Variants in COL10A1 observed in about 807,000 individuals in gnomAD.
The protein encoded by COL10A1 is collagen type X alpha 1 chain.
COL10A1 carries 10 observed loss-of-function variants against 18.2 expected under a neutral mutation model. The ratio of observed to expected loss-of-function variants is 0.55; its 90% CI spans 0.34 to 0.93. COL10A1 has a LOEUF of 0.93. COL10A1 is among the 40% of genes least tolerant of loss of function. COL10A1 has a pLI of 0.02. For synonymous variants in COL10A1, 330 were observed against 316.6 expected, an observed-to-expected ratio of 1.04 and a Z score of -0.45; for missense variants, 897 against 853.5, an observed-to-expected ratio of 1.05 and a Z score of -0.64.
At chr6:116,203,194 A>C in the COL10A1 span, among the ~76,000 whole-genome samples, 1 of 151,980 alleles carries the variant, frequency 6.6e-6, no homozygotes, top group Non-Finnish European at 1.5e-5. Flanking sequence ...TTAGATTCTC[A>C]TTTAATGTGA....
At chr6:116,177,633 T>C in the COL10A1 span, among the ~76,000 whole-genome samples, 1 of 152,168 alleles carries the variant, frequency 6.6e-6, no homozygotes, top group Admixed American at 6.5e-5. Flanking sequence ...TCTTATACTT[T>C]TTACTTAAAG....
chr6:116,144,499 CA>C (rs542743486), intron 1 of COL10A1, among the ~76,000 whole-genome samples: 5,743 of 124,880 alleles, frequency 0.046, 340 homozygotes, highest in African/African-American at 0.14. Context: ...GACTCCGTCT[CA>C]AAAAAAAAAA....
the COL10A1 span, among the ~76,000 whole-genome samples, chr6:116,165,171 C>T: frequency 6.6e-6 from 1 of 151,032 alleles, no homozygotes; most frequent in Non-Finnish European, 1.5e-5. Context: ...ATCCCTGTCT[C>T]TTCTGGCTTG....
At chr6:116,121,987 C>A in intron 2 of COL10A1, 26 bp from the exon 3 acceptor site, 8 of 1,589,826 alleles carry the variant, frequency 5.0e-6, no homozygotes, top group Non-Finnish European at 6.9e-6. Context: ...AACACACCCA[C>A]CCATAGAAGG....
the COL10A1 span, among the ~76,000 whole-genome samples, chr6:116,197,562 C>G: frequency 6.6e-6 from 1 of 152,002 alleles, no homozygotes; most frequent in Admixed American, 6.6e-5. Context: ...TGCTGTAGTG[C>G]AGATAGAAGA....
At chr6:116,127,821 G>C (rs1779360349), upstream of COL10A1, among the ~76,000 whole-genome samples, 1 of 152,150 alleles carries the variant, frequency 6.6e-6, no homozygotes, top group African/African-American at 2.4e-5. Context: ...ACGTTCAGAA[G>C]ACTAATTCTC....
Position 116,121,878 on chromosome 6 carries a change from G to T in COL10A1, c.238C>A (p.Pro80Thr). Reference protein sequence around the residue: ...PRGHPGPSGPPGKPGYGSPGL... With the variant: ...PRGHPGPSGPTGKPGYGSPGL... ...GGACTTCCGTAGCCTGGTTTTCCTGGTGGTCCAGAAGGACCTGGGTGCCCT... is the reference window on the plus strand; with the variant it reads ...GGACTTCCGTAGCCTGGTTTTCCTGTTGGTCCAGAAGGACCTGGGTGCCCT... Residue 80 changes from proline (P) to threonine (T), a missense_variant, in exon 3 of 3, where the codon CCA becomes ACA. Transcript: ENST00000651968. The T allele has an allele frequency of 1.2e-6, 2 of 1,613,904 alleles. No individual in the cohort carries two copies. Among genetic ancestry groups the T allele is most frequent in the Admixed American group, 1.7e-5 (1 of 60,004 alleles).
the COL10A1 span, among the ~76,000 whole-genome samples, chr6:116,189,720 A>G: frequency 6.6e-6 from 1 of 151,908 alleles, no homozygotes; most frequent in Non-Finnish European, 1.5e-5. Flanking sequence ...TGTTCTGAGG[A>G]TGAAAAAAAA....
At chr6:116,163,722 G>C (rs991457303), upstream of COL10A1, among the ~76,000 whole-genome samples, 1 of 152,002 alleles carries the variant, frequency 6.6e-6, no homozygotes, top group South Asian at 2.1e-4. Context: ...GCGAATTTGA[G>C]ATCTATCTTT....
intron 2 of COL10A1, among the ~76,000 whole-genome samples, chr6:116,123,269 G>A (rs1426682778): frequency 6.6e-6 from 1 of 152,128 alleles, no homozygotes; most frequent in Non-Finnish European, 1.5e-5. Context: ...GTGACAGGGC[G>A]AACTTTGTCA....
the COL10A1 span, among the ~76,000 whole-genome samples, chr6:116,186,559 G>A: frequency 6.6e-6 from 1 of 151,812 alleles, no homozygotes; most frequent in Admixed American, 6.6e-5. Context: ...CTTATTGGAG[G>A]CTTTGTTCAT....
the COL10A1 span, among the ~76,000 whole-genome samples, chr6:116,178,974 A>G: frequency 1.3e-5 from 2 of 152,218 alleles, no homozygotes; most frequent in African/African-American, 4.8e-5. Context: ...GTAGAAAGAA[A>G]AGATTATTCT....
At chr6:116,174,884 A>G in the COL10A1 span, among the ~76,000 whole-genome samples, 12 of 152,186 alleles carry the variant, frequency 7.9e-5, no homozygotes, top group African/African-American at 2.9e-4. Flanking sequence ...ATTTTAGGAT[A>G]GCAAGGGTTT....
rs750527856 is a variant in COL10A1 at position 116,121,158 on chromosome 6, C to G, written c.958G>C (p.Gly320Arg). 1.2e-6 allele frequency: 2 copies of G among 1,613,086 alleles called. No homozygotes were observed. Among genetic ancestry groups the G allele is most frequent in the African/African-American group, 2.7e-5 (2 of 74,868 alleles). The part of the protein sequence containing the change: ...RGPAGLPGGP[G>R]AKGEQGPAGL... ...GCTGGCCCTTGTTCCCCTTTGGCAC[C>G]TGGACCCCCAGGAAGGCCAGCAGGT... The change falls in exon 3 of 3, where the codon GGT becomes CGT. Residue 320 changes from glycine to arginine, a missense_variant. By Grantham distance (125) the Gly-to-Arg change is moderately radical (BLOSUM62 -2). Coordinates refer to ENST00000651968, the MANE Select transcript of COL10A1 (RefSeq NM_000493.4).
chr6:116,174,704 T>G, the COL10A1 span, among the ~76,000 whole-genome samples: 1 of 152,322 alleles, frequency 6.6e-6, no homozygotes, highest in Middle Eastern at 3.4e-3. Context: ...TTTCTCTCCT[T>G]TCTAGCTCTC....
the COL10A1 span, among the ~76,000 whole-genome samples, chr6:116,167,231 T>TTG: frequency 7.6e-6 from 1 of 132,174 alleles, no homozygotes; most frequent in Non-Finnish European, 1.6e-5. Context: ...TTTTTTTTTT[T>TTG]GAGACAGAAT....
At chr6:116,146,806 T>A (rs1779909193) in intron 1 of COL10A1, among the ~76,000 whole-genome samples, 1 of 151,860 alleles carries the variant, frequency 6.6e-6, no homozygotes, top group South Asian at 2.1e-4. Context: ...TTCAGATCAG[T>A]GGAAGACAGA....
At chr6:116,161,437 G>T (rs1023257318), upstream of COL10A1, among the ~76,000 whole-genome samples, 1 of 152,032 alleles carries the variant, frequency 6.6e-6, no homozygotes, top group African/African-American at 2.4e-5. Flanking sequence ...TAGGGGTCCA[G>T]TTTTATTCTT....
intron 1 of COL10A1, among the ~76,000 whole-genome samples, chr6:116,135,131 C>G (rs1259205838): frequency 6.6e-6 from 1 of 152,136 alleles, no homozygotes; most frequent in Non-Finnish European, 1.5e-5. Flanking sequence ...AAAATGGGCT[C>G]ACAGACTACT....
Sources: gnomAD v4.1 joint callset for allele counts (sites outside exome capture counted in the v4.1 genomes callset) on GRCh38, gnomAD v4.1.1 for gene constraint, MANE v1.5 for transcripts, NCBI Gene and HGNC (gene_info 2026-07-23, HGNC 2026-07-21) for gene names.